Variants in UIMC1 observed in about 807,000 individuals in gnomAD.
UIMC1 encodes the protein ubiquitin interaction motif containing 1, also known as BRCA1-A complex subunit RAP80.
A neutral mutation model predicts 84.9 loss-of-function variants in UIMC1; 42 were observed. The ratio of observed to expected loss-of-function variants is 0.49; its 90% CI spans 0.39 to 0.64. UIMC1 has a LOEUF of 0.64. Among genes scored for constraint, UIMC1 ranks in the 30% least tolerant of loss-of-function variants. The pLI is 0.00. For missense variants in UIMC1, 825 were observed against 847.6 expected, an observed-to-expected ratio of 0.97 and a Z score of 0.33; for synonymous variants, 281 against 293.0, an observed-to-expected ratio of 0.96 and a Z score of 0.42.
At chr5:176,931,433 GA>G (rs1289933790) in intron 10 of UIMC1, among the ~76,000 whole-genome samples, 14 of 152,176 alleles carry the variant, frequency 9.2e-5, no homozygotes, top group Non-Finnish European at 1.8e-4. Flanking sequence ...TCTGGCAGAA[GA>G]AAACTGCTAA....
chr5:176,927,853 T>C (rs1334625850), intron 10 of UIMC1, among the ~76,000 whole-genome samples: 1 of 145,270 alleles, frequency 6.9e-6, no homozygotes, highest in Non-Finnish European at 1.5e-5. Flanking sequence ...CCAGCCAGCT[T>C]TTTTTTTTTT....
chr5:176,918,803 T>C (rs1761343009), intron 10 of UIMC1, among the ~76,000 whole-genome samples: 1 of 152,228 alleles, frequency 6.6e-6, no homozygotes, highest in Non-Finnish European at 1.5e-5. Context: ...AACTTCTTTC[T>C]ACTGTACTTA....
chr5:176,952,806 A>C (rs1504969), intron 8 of UIMC1, among the ~76,000 whole-genome samples: 29,011 of 151,852 alleles, frequency 0.19, 3,839 homozygotes, highest in East Asian at 0.49. Flanking sequence ...CACACACACA[A>C]AAAAAAGTTT....
chr5:176,917,688 G>A (rs533862410), intron 10 of UIMC1, among the ~76,000 whole-genome samples: 43 of 152,290 alleles, frequency 2.8e-4, no homozygotes, highest in Non-Finnish European at 5.4e-4. Flanking sequence ...GGCAAGGAGC[G>A]GTGGCTCACG....
At chr5:176,986,100 A>G (rs1265707887) in intron 1 of UIMC1, among the ~76,000 whole-genome samples, 1 of 151,666 alleles carries the variant, frequency 6.6e-6, no homozygotes, top group African/African-American at 2.4e-5. Flanking sequence ...AAGACATGGC[A>G]TCCTGTGTCT....
chr5:176,949,221 T>C (rs1192919443), intron 9 of UIMC1, among the ~76,000 whole-genome samples: 1 of 152,188 alleles, frequency 6.6e-6, no homozygotes, highest in African/African-American at 2.4e-5. Flanking sequence ...TGCACCCTTT[T>C]AATGCAAACT....
At chr5:177,018,816 T>G (rs1472911152) in intron 1 of UIMC1, among the ~76,000 whole-genome samples, 1 of 152,194 alleles carries the variant, frequency 6.6e-6, no homozygotes, top group Non-Finnish European at 1.5e-5. Flanking sequence ...CATTGGAGAA[T>G]AAATGGACAT....
chr5:176,969,320 A>C (rs1768839435), intron 5 of UIMC1, 29 bp from the exon 6 acceptor site: 5 of 1,569,350 alleles, frequency 3.2e-6, no homozygotes, highest in Non-Finnish European at 2.6e-6. Context: ...AAGTAGGGCT[A>C]AGGACAAACT....
intron 10 of UIMC1, among the ~76,000 whole-genome samples, chr5:176,932,660 C>G (rs1321737690): frequency 1.3e-5 from 2 of 152,156 alleles, no homozygotes; most frequent in African/African-American, 4.8e-5. Flanking sequence ...ATGTATTTCA[C>G]TCGTTGGTTT....
At chr5:176,996,631 T>C (rs1333235126) in intron 1 of UIMC1, among the ~76,000 whole-genome samples, 1 of 152,176 alleles carries the variant, frequency 6.6e-6, no homozygotes, top group Non-Finnish European at 1.5e-5. Context: ...TGAGTCTCTG[T>C]GATTCACACC....
At chr5:177,002,102 A>C in intron 1 of UIMC1, 1 of 150,544 alleles carries the variant, frequency 6.6e-6, no homozygotes, top group Non-Finnish European at 1.5e-5. Context: ...CAGCCTGAGC[A>C]ACAGTAAGAC....
In UIMC1 at chr5:176,906,037, G is replaced by C. The variant is rs772603968; in HGVS notation, c.1923C>G (p.Ile641Met). 6.2e-7 allele frequency: 1 copy of C among 1,613,990 alleles called. No homozygotes were observed. Among genetic ancestry groups the C allele is most frequent in the Admixed American group, 1.7e-5 (1 of 60,026 alleles). Residue 641 changes from isoleucine (I) to methionine (M), a missense_variant, in exon 14 of 15, where the codon ATC becomes ATG. Coordinates refer to ENST00000511320, the MANE Select transcript of UIMC1 (RefSeq NM_001199298.2). ...TGAAGGCTCCTGTTTCTGAAGACTT[G>C]ATGTCTGCATCTGTGATATAAAAGA... ...QSEHKTSDAD[I>M]KSSETGAFRV...
chr5:176,952,439 C>T (rs544786664), intron 8 of UIMC1, among the ~76,000 whole-genome samples: 3 of 152,188 alleles, frequency 2.0e-5, no homozygotes, highest in South Asian at 4.1e-4. Context: ...AGTTCAGGGG[C>T]CAGAAAACTA....
At chr5:176,956,245 G>C (rs2149462445) in intron 7 of UIMC1, among the ~76,000 whole-genome samples, 1 of 152,336 alleles carries the variant, frequency 6.6e-6, no homozygotes, top group African/African-American at 2.4e-5. Context: ...TTCAGTTCCA[G>C]TGAAATCACT....
chr5:176,978,794 C>T (rs10077699), intron 2 of UIMC1, among the ~76,000 whole-genome samples: 16,501 of 152,050 alleles, frequency 0.11, 1,682 homozygotes, highest in African/African-American at 0.27. Context: ...TAAAGGACAT[C>T]TGATTAAACA....
intron 12 of UIMC1, among the ~76,000 whole-genome samples, chr5:176,907,770 T>C (rs1294976565): frequency 6.6e-6 from 1 of 152,208 alleles, no homozygotes; most frequent in Admixed American, 6.5e-5. Context: ...TTCTTGGCAG[T>C]GGGATTATAA....
chr5:177,012,778 G>C (rs1775578203), intron 1 of UIMC1, among the ~76,000 whole-genome samples: 1 of 151,944 alleles, frequency 6.6e-6, no homozygotes, highest in Non-Finnish European at 1.5e-5. Context: ...ATTCAAAAAA[G>C]TAAAAACTCA....
At chr5:176,966,427 A>C (rs889900582) in intron 6 of UIMC1, among the ~76,000 whole-genome samples, 2 of 152,250 alleles carry the variant, frequency 1.3e-5, no homozygotes, top group African/African-American at 4.8e-5. Context: ...TATTCTATGA[A>C]GCTCCTCAAA....
intron 1 of UIMC1, among the ~76,000 whole-genome samples, chr5:176,994,085 T>C (rs908695620): frequency 1.3e-5 from 2 of 150,754 alleles, no homozygotes; most frequent in African/African-American, 4.9e-5. Flanking sequence ...ACTTGGGTAA[T>C]GCAGCATAAA....
Sources: gnomAD v4.1 joint callset for allele counts (sites outside exome capture counted in the v4.1 genomes callset) on GRCh38, gnomAD v4.1.1 for gene constraint, MANE v1.5 for transcripts, NCBI Gene and HGNC (gene_info 2026-07-23, HGNC 2026-07-21) for gene names.